TAFA5: variants seen among roughly 807,000 people sequenced by gnomAD.
TAFA5 encodes TAFA chemokine like family member 5, also known as chemokine-like protein TAFA-5.
In TAFA5, 6 loss-of-function variants were observed where a neutral mutation model predicts 15.3. The observed-to-expected ratio is 0.39, with a 90% CI of 0.21 to 0.77. The LOEUF is 0.77. TAFA5 is among the 30% of genes least tolerant of loss of function. The probability of loss-of-function intolerance (pLI) is 0.41; values close to 1 mark genes in which losing one functional copy is unlikely to be tolerated. For synonymous variants in TAFA5, 103 were observed against 80.7 expected (o/e 1.28, Z -1.48); for missense variants, 161 against 193.1 (o/e 0.83, Z 0.98).
At chr22:48,727,279 A>G (rs1274012461) in intron 3 of TAFA5, among the ~76,000 whole-genome samples, 3 of 152,172 alleles carry the variant, frequency 2.0e-5, no homozygotes, top group African/African-American at 7.2e-5. Flanking sequence ...ATTATGAAAA[A>G]CAATTGGTGC....
intron 1 of TAFA5, among the ~76,000 whole-genome samples, chr22:48,600,078 CAAAAT>C (rs1924908406): frequency 6.6e-6 from 1 of 152,172 alleles, no homozygotes; most frequent in Non-Finnish European, 1.5e-5. Context: ...AGATTCCAGT[CAAAAT>C]AAAACAGCGG....
intron 1 of TAFA5, among the ~76,000 whole-genome samples, chr22:48,636,627 G>GCCTGTGTGGATCGCTCCGAGTGGTGGT (rs1337513862): frequency 6.6e-6 from 1 of 152,184 alleles, no homozygotes; most frequent in African/African-American, 2.4e-5. Flanking sequence ...TCTGTTGTGG[G>GCCTGTGTGGATCGCTCCGAGTGGTGGT]GAGACGCTCC....
intron 1 of TAFA5, among the ~76,000 whole-genome samples, chr22:48,498,712 C>A (rs538594706): frequency 1.3e-5 from 2 of 152,268 alleles, no homozygotes; most frequent in African/African-American, 4.8e-5. Flanking sequence ...GCACCCCGGC[C>A]ACCCCCCACT....
chr22:48,675,265 C>T (rs564462385), intron 2 of TAFA5, among the ~76,000 whole-genome samples: 5 of 152,332 alleles, frequency 3.3e-5, no homozygotes, highest in East Asian at 1.9e-4. Context: ...ATTTTGTTTA[C>T]GTAAAGATCA....
chr22:48,726,932 AG>A (rs1929733222), intron 3 of TAFA5, among the ~76,000 whole-genome samples: 1 of 152,162 alleles, frequency 6.6e-6, no homozygotes, highest in Non-Finnish European at 1.5e-5. Context: ...GTGTATCTCC[AG>A]GTTGGCCACT....
chr22:48,602,488 T>C (rs1041812067), intron 1 of TAFA5, among the ~76,000 whole-genome samples: 1 of 152,094 alleles, frequency 6.6e-6, no homozygotes, highest in African/African-American at 2.4e-5. Context: ...TGGAGGTGGG[T>C]CCATCAGCGT....
rs1052530333 is a variant in TAFA5 at position 48,524,317 on chromosome 22, G to A, written c.112+34613G>A. On this transcript the variant is annotated intron_variant, in intron 1 of 3. Transcript: ENST00000402357. The stretch of plus-strand genomic sequence containing the variant: ...CTTTGGCGTTTGGAGTGGAGAGGAA[G>A]CTCCTCTTTCAGGTGCAGGCTCATG... 2.0e-5 allele frequency among the ~76,000 whole-genome samples: 3 copies of A among 152,208 alleles called. No individual in the cohort carries two copies. In the East Asian group the frequency reaches 5.8e-4, roughly 29 times the overall value.
At chr22:48,651,304 G>A (rs1026107856) in intron 2 of TAFA5, among the ~76,000 whole-genome samples, 7 of 152,218 alleles carry the variant, frequency 4.6e-5, no homozygotes, top group African/African-American at 1.4e-4. Context: ...TGCAGTCATG[G>A]CACAGCGCAG....
At chr22:48,680,913 G>A (rs979031906) in intron 2 of TAFA5, among the ~76,000 whole-genome samples, 2 of 152,226 alleles carry the variant, frequency 1.3e-5, no homozygotes, top group African/African-American at 4.8e-5. Context: ...GAACTGGGGA[G>A]CATGGAGAAA....
At chr22:48,580,987 C>G (rs1395423605) in intron 1 of TAFA5, among the ~76,000 whole-genome samples, 1 of 152,208 alleles carries the variant, frequency 6.6e-6, no homozygotes, top group Non-Finnish European at 1.5e-5. Context: ...TCTCCCTGAC[C>G]CTCCAGCAGA....
intron 2 of TAFA5, among the ~76,000 whole-genome samples, chr22:48,687,296 G>A (rs1443199815): frequency 4.6e-5 from 7 of 150,830 alleles, no homozygotes; most frequent in African/African-American, 1.5e-4. Flanking sequence ...GGATGGATGG[G>A]TGGATGGGTG....
intron 1 of TAFA5, among the ~76,000 whole-genome samples, chr22:48,613,057 C>A (rs1925469218): frequency 6.6e-6 from 1 of 152,212 alleles, no homozygotes; most frequent in South Asian, 2.1e-4. Context: ...CACTCAGGGA[C>A]CAGCCACTCT....
intron 1 of TAFA5, among the ~76,000 whole-genome samples, chr22:48,639,570 C>T (rs537934567): frequency 2.0e-5 from 3 of 152,194 alleles, no homozygotes; most frequent in Admixed American, 2.0e-4. Context: ...GGCCCCAGCC[C>T]TGGCCCCTGA....
rs1280154732 is a variant in TAFA5, at chr22:48,696,030, A to T, written c.263-11687A>T. 4.6e-5 allele frequency among the ~76,000 whole-genome samples: 7 copies of T among 152,140 alleles called. No homozygotes were observed. In the South Asian group the frequency reaches 1.5e-3, roughly 32 times the overall value. ...GCTGGGTCAACTGGGGTCCACTCAG[A>T]CCCTCAACCCCACCTGCCCCGGACC... On this transcript the variant is annotated intron_variant, in intron 2 of 3. Coordinates refer to ENST00000402357, the MANE Select transcript of TAFA5 (RefSeq NM_001082967.3).
At chr22:48,651,881 C>T (rs1468911935) in intron 2 of TAFA5, among the ~76,000 whole-genome samples, 1 of 152,102 alleles carries the variant, frequency 6.6e-6, no homozygotes, top group South Asian at 2.1e-4. Flanking sequence ...CCTGTCCTTG[C>T]TGTGGGGATG....
chr22:48,728,552 T>G (rs774442691), intron 3 of TAFA5, among the ~76,000 whole-genome samples: 2 of 152,234 alleles, frequency 1.3e-5, no homozygotes, highest in Non-Finnish European at 2.9e-5. Context: ...GGGCTAGCAC[T>G]ACTGAACAAT....
chr22:48,706,465 G>A (rs1032168943), intron 2 of TAFA5, among the ~76,000 whole-genome samples: 2 of 152,198 alleles, frequency 1.3e-5, no homozygotes, highest in Non-Finnish European at 2.9e-5. Flanking sequence ...TGGGGTGCCT[G>A]GCTCTCACCA....
chr22:48,630,794 C>T lies in TAFA5; in HGVS notation c.113-15803C>T, dbSNP rs560752948. On this transcript the variant is annotated intron_variant, in intron 1 of 3. Coordinates refer to ENST00000402357, the MANE Select transcript of TAFA5 (RefSeq NM_001082967.3). ...GCGCTGGGGAAGGAAGCTGGGCACT[C>T]GGCTGTGGGGCTTTTGTTTCTACCT... Among the ~76,000 whole-genome samples the T allele has an allele frequency of 7.9e-4, 46 of 58,220 alleles. No individual in the cohort carries two copies. In the South Asian group the frequency reaches 0.026, roughly 33 times the overall value. 38.2% of individuals were successfully genotyped at this position (58,220 alleles called of 152,430 possible).
At chr22:48,507,219 GGAGGAGAAGGAGACA>G (rs2147099195) in intron 1 of TAFA5, among the ~76,000 whole-genome samples, 1 of 128,046 alleles carries the variant, frequency 7.8e-6, no homozygotes, top group African/African-American at 3.2e-5. Context: ...GTGTGCAGTT[GGAGGAGAAGGAGACA>G]GTCATCAAGG....
Sources: gnomAD v4.1 joint callset for allele counts (sites outside exome capture counted in the v4.1 genomes callset) on GRCh38, gnomAD v4.1.1 for gene constraint, MANE v1.5 for transcripts, NCBI Gene and HGNC (gene_info 2026-07-23, HGNC 2026-07-21) for gene names.